The following NUMB variants were observed in gnomAD, a reference collection of about 807,000 sequenced individuals.
The protein encoded by NUMB is protein numb homolog.
In NUMB, 29 loss-of-function variants were observed where a neutral mutation model predicts 59.7. That is an observed-to-expected ratio of 0.49 (90% confidence interval 0.36 to 0.66). The LOEUF (loss-of-function observed/expected upper bound fraction) is 0.66, where lower values mean the gene tolerates loss of function less well. Ranked by LOEUF, NUMB falls within the 30% of genes least tolerant of loss-of-function variation. NUMB has a pLI of 0.00. For missense variants in NUMB, 723 were observed against 822.0 expected (o/e 0.88, Z 1.47); for synonymous variants, 288 against 288.2 (o/e 1.00, Z 0.01).
chr14:73,428,682 C>T (rs1346732936), intron 1 of NUMB, among the ~76,000 whole-genome samples: 1 of 152,050 alleles, frequency 6.6e-6, no homozygotes, highest in Non-Finnish European at 1.5e-5. Context: ...CCCAGCTACT[C>T]AGGAGCCTGC....
intron 7 of NUMB, among the ~76,000 whole-genome samples, chr14:73,293,393 CTTTTT>C: frequency 1.0e-5 from 1 of 95,552 alleles, no homozygotes; most frequent in African/African-American, 3.9e-5. Flanking sequence ...GTTTCTTTTT[CTTTTT>C]TTTTTTTTTT....
Position 73,275,488 on chromosome 14 carries a change from C to T in NUMB, c.*1090G>A, listed in dbSNP as rs1300039329. 1 of 152,168 alleles carries T rather than the reference C, an allele frequency of 6.6e-6. No homozygotes were observed. Among genetic ancestry groups the T allele is most frequent in the African/African-American group, 2.4e-5 (1 of 41,392 alleles). The allele number at this position is 152,168 out of a possible 1,614,324, so 9.4% of individuals were successfully genotyped here. Reference sequence around the variant, plus strand: ...ACAAAATTTAAAGGATAAAACAAAACCCACCAAGACCCATATTACAAACCA... The same window carrying T: ...ACAAAATTTAAAGGATAAAACAAAATCCACCAAGACCCATATTACAAACCA... On this transcript the variant is annotated 3_prime_UTR_variant, in exon 13 of 13. Transcript: ENST00000555238.
At chr14:73,388,437 T>C (rs1224264684) in intron 2 of NUMB, among the ~76,000 whole-genome samples, 1 of 152,222 alleles carries the variant, frequency 6.6e-6, no homozygotes, top group African/African-American at 2.4e-5. Context: ...AAACTTTTAA[T>C]GATTGTATTA....
intron 2 of NUMB, among the ~76,000 whole-genome samples, chr14:73,383,670 G>A (rs780134703): frequency 3.3e-5 from 5 of 152,180 alleles, no homozygotes; most frequent in Admixed American, 6.5e-5. Context: ...AGAAAACCAC[G>A]TAAGCATCTT....
intron 6 of NUMB, among the ~76,000 whole-genome samples, chr14:73,313,776 T>C (rs1011208120): frequency 8.0e-5 from 12 of 150,926 alleles, no homozygotes; most frequent in Non-Finnish European, 1.6e-4. Context: ...ATAAATAAAA[T>C]GTTAGTTTGA....
chr14:73,345,553 T>C (rs1218442423), intron 4 of NUMB, among the ~76,000 whole-genome samples: 1 of 152,176 alleles, frequency 6.6e-6, no homozygotes, highest in African/African-American at 2.4e-5. Context: ...ACATTGAGGA[T>C]CCCAAGGAGT....
At chr14:73,444,318 G>A (rs1883302406) in intron 1 of NUMB, among the ~76,000 whole-genome samples, 1 of 150,078 alleles carries the variant, frequency 6.7e-6, no homozygotes, top group African/African-American at 2.5e-5. Flanking sequence ...AGAATTGCTT[G>A]AACCCGGGAG....
At chr14:73,401,717 C>T (rs1896427524) in intron 2 of NUMB, among the ~76,000 whole-genome samples, 2 of 151,826 alleles carry the variant, frequency 1.3e-5, no homozygotes, top group African/African-American at 4.8e-5. Flanking sequence ...CCACAGGTGC[C>T]TGCCACCACG....
At chr14:73,354,510 CAAA>C (rs780721035) in intron 4 of NUMB, among the ~76,000 whole-genome samples, 26 of 78,070 alleles carry the variant, frequency 3.3e-4, no homozygotes, top group African/African-American at 7.6e-4. Flanking sequence ...GACTCCATCT[CAAA>C]AAAAAAAAAA....
chr14:73,448,995 G>GA (rs78099874), intron 1 of NUMB, among the ~76,000 whole-genome samples: 35,662 of 149,652 alleles, frequency 0.24, 5,107 homozygotes, highest in East Asian at 0.68. Flanking sequence ...AATATATTCG[G>GA]AAAAAAAAAT....
At chr14:73,431,279 A>C (rs1489531057) in intron 1 of NUMB, among the ~76,000 whole-genome samples, 1 of 145,658 alleles carries the variant, frequency 6.9e-6, no homozygotes, top group African/African-American at 2.6e-5. Flanking sequence ...TTTTTGAGAC[A>C]GAGTCTCACT....
intron 1 of NUMB, among the ~76,000 whole-genome samples, chr14:73,437,177 C>A (rs1157272110): frequency 6.6e-6 from 1 of 151,196 alleles, no homozygotes; most frequent in African/African-American, 2.4e-5. Flanking sequence ...TCCCGAGTAG[C>A]TGGGCCTACA....
chr14:73,441,263 C>T (rs770615920), intron 1 of NUMB, among the ~76,000 whole-genome samples: 4 of 152,080 alleles, frequency 2.6e-5, no homozygotes, highest in Non-Finnish European at 5.9e-5. Flanking sequence ...CAATTAATTT[C>T]TACTTTAGGC....
At chr14:73,454,657 A>G (rs1884222932) in intron 1 of NUMB, among the ~76,000 whole-genome samples, 1 of 152,212 alleles carries the variant, frequency 6.6e-6, no homozygotes, top group Non-Finnish European at 1.5e-5. Context: ...GTCTCACTAA[A>G]TAGCACAGTT....
chr14:73,353,843 T>C (rs1893615861), intron 4 of NUMB, among the ~76,000 whole-genome samples: 1 of 151,966 alleles, frequency 6.6e-6, no homozygotes, highest in South Asian at 2.1e-4. Context: ...ATAGCCAAAG[T>C]AAGCCAACTG....
At chr14:73,300,799 TC>T (rs1890082086) in intron 6 of NUMB, among the ~76,000 whole-genome samples, 1 of 151,710 alleles carries the variant, frequency 6.6e-6, no homozygotes, top group Non-Finnish European at 1.5e-5. Flanking sequence ...ATGCTATTCC[TC>T]CCCCCTCCCC....
At chr14:73,352,225 C>T (rs2140006452) in intron 4 of NUMB, among the ~76,000 whole-genome samples, 1 of 151,156 alleles carries the variant, frequency 6.6e-6, no homozygotes, top group Non-Finnish European at 1.5e-5. Flanking sequence ...CCTACATATA[C>T]ATGCTTTCCA....
chr14:73,278,182 C>G (rs919741544), intron 12 of NUMB, among the ~76,000 whole-genome samples: 4 of 152,086 alleles, frequency 2.6e-5, no homozygotes, highest in African/African-American at 9.7e-5. Flanking sequence ...TGCCTGGCTT[C>G]CAGAAATATG....
intron 1 of NUMB, among the ~76,000 whole-genome samples, chr14:73,416,821 A>G (rs561500016): frequency 6.6e-6 from 1 of 152,144 alleles, no homozygotes; most frequent in Admixed American, 6.5e-5. Context: ...ACAGGGTAGA[A>G]GAGGGCAGTT....
Sources: allele counts gnomAD v4.1 joint callset (sites outside exome capture counted in the v4.1 genomes callset), GRCh38; gene constraint gnomAD v4.1.1; transcripts MANE v1.5; gene names NCBI Gene and HGNC (gene_info 2026-07-23, HGNC 2026-07-21).